Variants in MTCL2 observed in about 807,000 individuals in gnomAD.
MTCL2 encodes the protein microtubule cross-linking factor 2.
the MTCL2 span, among the ~76,000 whole-genome samples, chr20:36,836,504 C>T: frequency 6.6e-6 from 1 of 151,900 alleles, no homozygotes; most frequent in Non-Finnish European, 1.5e-5. Context: ...ACCACCACAC[C>T]CGGCTCATTT....
the MTCL2 span, among the ~76,000 whole-genome samples, chr20:36,841,872 G>GTGT: frequency 5.6e-5 from 4 of 71,420 alleles, no homozygotes; most frequent in South Asian, 4.2e-4. Flanking sequence ...GGTGGGGGGT[G>GTGT]GGGTGTGTGT....
chr20:36,848,361 T>G, the MTCL2 span, among the ~76,000 whole-genome samples: 6 of 152,164 alleles, frequency 3.9e-5, no homozygotes, highest in African/African-American at 7.2e-5. Flanking sequence ...CCTGCTCCCC[T>G]CGATGGACTG....
At chr20:36,791,512 C>T in the MTCL2 span, among the ~76,000 whole-genome samples, 2 of 152,220 alleles carry the variant, frequency 1.3e-5, no homozygotes, top group Non-Finnish European at 2.9e-5. Flanking sequence ...GAGTCTATCA[C>T]AGCCCATTCC....
chr20:36,862,924 T>C, the MTCL2 span: 1 of 1,344,472 alleles, frequency 7.4e-7, no homozygotes. Context: ...GCGTCGCTGC[T>C]CAGCGCCAGC....
At chr20:36,839,529 C>T in the MTCL2 span, 1 of 1,201,876 alleles carries the variant, frequency 8.3e-7, no homozygotes, top group South Asian at 1.5e-5. This position sits in a 1 kb window ranked among gnomAD's most constrained non-coding sequence, Gnocchi z 5.1. Flanking sequence ...CTGAATGAAG[C>T]ACCGTGGGGG....
chr20:36,816,117 C>T, the MTCL2 span: 20 of 1,613,600 alleles, frequency 1.2e-5, no homozygotes, highest in Non-Finnish European at 1.4e-5. Context: ...CTCGGTCTCC[C>T]GCGAGTGGGG....
the MTCL2 span, among the ~76,000 whole-genome samples, chr20:36,821,393 T>C: frequency 3.3e-5 from 5 of 150,966 alleles, no homozygotes; most frequent in East Asian, 9.7e-4. Context: ...CCGGGCATGG[T>C]GGTGCATGCC....
chr20:36,789,743 A>C, the MTCL2 span, among the ~76,000 whole-genome samples: 2 of 151,506 alleles, frequency 1.3e-5, no homozygotes, highest in Admixed American at 1.3e-4. Context: ...AAGAGGGCTT[A>C]CTCTCCCTCA....
chr20:36,823,654 C>T, the MTCL2 span, among the ~76,000 whole-genome samples: 1 of 151,986 alleles, frequency 6.6e-6, no homozygotes, highest in East Asian at 1.9e-4. Flanking sequence ...TTCAAAAATA[C>T]GAAATTAGCC....
At chr20:36,831,100 G>T in the MTCL2 span, among the ~76,000 whole-genome samples, 5 of 152,210 alleles carry the variant, frequency 3.3e-5, no homozygotes, top group African/African-American at 1.2e-4. Flanking sequence ...CTGCTGGCTG[G>T]TTGAGGGAAG....
the MTCL2 span, among the ~76,000 whole-genome samples, chr20:36,835,464 G>T: frequency 6.6e-6 from 1 of 152,160 alleles, no homozygotes; most frequent in African/African-American, 2.4e-5. Context: ...GGCACCAAGC[G>T]GTAGGGGCAA....
chr20:36,816,183 C>G, the MTCL2 span: 2 of 1,613,642 alleles, frequency 1.2e-6, no homozygotes, highest in Non-Finnish European at 1.7e-6. Flanking sequence ...ATAGAGCGAG[C>G]GGTACTTCAG....
chr20:36,830,087 G>T, the MTCL2 span, among the ~76,000 whole-genome samples: 1 of 152,172 alleles, frequency 6.6e-6, no homozygotes, highest in Admixed American at 6.5e-5. Context: ...TCCTGCCTCA[G>T]CTTCCCGAGT....
At chr20:36,841,202 T>C in the MTCL2 span, among the ~76,000 whole-genome samples, 1 of 139,632 alleles carries the variant, frequency 7.2e-6, no homozygotes. Flanking sequence ...GCGTGGTGGT[T>C]CACGCCTGTA....
At chr20:36,829,245 C>G in the MTCL2 span, 2 of 1,571,374 alleles carry the variant, frequency 1.3e-6, no homozygotes. Context: ...AGGATGTGAG[C>G]AGGCTGAGGA....
At chr20:36,859,082 C>A in the MTCL2 span, among the ~76,000 whole-genome samples, 5 of 152,158 alleles carry the variant, frequency 3.3e-5, no homozygotes, top group Admixed American at 3.3e-4. Context: ...TGAGTCACTG[C>A]GCCAGGCCCC....
the MTCL2 span, among the ~76,000 whole-genome samples, chr20:36,854,500 A>G: frequency 1.2e-4 from 18 of 152,222 alleles, no homozygotes; most frequent in South Asian, 4.1e-4. Context: ...GCCGGATGGG[A>G]AGAGCAAGAG....
At chr20:36,815,288 G>T in the MTCL2 span, 2 of 1,613,976 alleles carry the variant, frequency 1.2e-6, no homozygotes, top group Non-Finnish European at 1.7e-6. This position sits in a 1 kb window ranked among gnomAD's most constrained non-coding sequence, Gnocchi z 5.3. Context: ...GCTGCAGCAC[G>T]CTCAGGCGCA....
the MTCL2 span, among the ~76,000 whole-genome samples, chr20:36,830,743 C>T: frequency 3.9e-5 from 6 of 152,168 alleles, no homozygotes; most frequent in African/African-American, 1.4e-4. Context: ...ATAAAATGAA[C>T]GCAGTGATAA....
Sources: gnomAD v4.1 joint callset for allele counts (sites outside exome capture counted in the v4.1 genomes callset) on GRCh38, gnomAD v4.1.1 for gene constraint, Gnocchi (gnomAD v3.1) non-coding constraint, MANE v1.5 for transcripts, NCBI Gene and HGNC (gene_info 2026-07-23, HGNC 2026-07-21) for gene names.